The following RBMS3 variants were observed in gnomAD, a reference collection of about 807,000 sequenced individuals.
RBMS3 encodes the protein RNA binding motif single stranded interacting protein 3, also known as RNA-binding motif, single-stranded-interacting protein 3.
Under a neutral mutation model 66.8 loss-of-function variants are expected in RBMS3, and 27 were observed. The observed-to-expected ratio is 0.40, with a 90% CI of 0.30 to 0.56. The LOEUF is 0.56. Ranked by LOEUF, RBMS3 falls within the 20% of genes least tolerant of loss-of-function variation. The pLI is 0.40. For synonymous variants in RBMS3, 188 were observed against 183.0 expected (o/e 1.03, Z -0.22); for missense variants, 513 against 549.5 (o/e 0.93, Z 0.66).
intron 1 of RBMS3, among the ~76,000 whole-genome samples, chr3:29,323,578 C>A (rs1177672217): frequency 1.3e-5 from 2 of 151,788 alleles, no homozygotes; most frequent in African/African-American, 4.8e-5. Flanking sequence ...TAGAAAGAAA[C>A]AAACATCAGA....
chr3:29,920,556 A>G (rs188368528), intron 10 of RBMS3, among the ~76,000 whole-genome samples: 1 of 152,232 alleles, frequency 6.6e-6, no homozygotes. Flanking sequence ...CTGTGTCACT[A>G]GGATGGGGTG....
chr3:29,434,031 C>T (rs1026212849), intron 1 of RBMS3, among the ~76,000 whole-genome samples: 8 of 152,076 alleles, frequency 5.3e-5, no homozygotes, highest in Non-Finnish European at 1.0e-4. Context: ...GGACAGTGCC[C>T]ACAACAAATA....
intron 1 of RBMS3, among the ~76,000 whole-genome samples, chr3:29,285,253 T>TGGG (rs2032215619): frequency 1.5e-5 from 1 of 67,576 alleles, no homozygotes; most frequent in Non-Finnish European, 2.6e-5. Flanking sequence ...GTGGGGGTGG[T>TGGG]GGTGGGGAGT....
At chr3:29,534,475 G>T (rs184422856) in intron 3 of RBMS3, among the ~76,000 whole-genome samples, 1 of 152,174 alleles carries the variant, frequency 6.6e-6, no homozygotes, top group Admixed American at 6.5e-5. Flanking sequence ...CTCTGTAATA[G>T]GGAAGAAAAC....
intron 10 of RBMS3, among the ~76,000 whole-genome samples, chr3:29,901,048 T>A (rs2060241105): frequency 6.6e-6 from 1 of 151,806 alleles, no homozygotes; most frequent in Non-Finnish European, 1.5e-5. Flanking sequence ...ATATGTAGTT[T>A]ACCACAGCAG....
At chr3:29,751,700 G>A (rs903848697) in intron 5 of RBMS3, among the ~76,000 whole-genome samples, 1 of 152,168 alleles carries the variant, frequency 6.6e-6, no homozygotes, top group Non-Finnish European at 1.5e-5. Context: ...CAAATCATGT[G>A]AACTAAAAGG....
At chr3:29,748,775 T>C (rs1576688537) in intron 5 of RBMS3, among the ~76,000 whole-genome samples, 1 of 152,186 alleles carries the variant, frequency 6.6e-6, no homozygotes, top group Non-Finnish European at 1.5e-5. Context: ...GAAGAAAGCA[T>C]AGTAGATGAA....
At chr3:29,566,634 C>CA (rs11445860) in intron 3 of RBMS3, among the ~76,000 whole-genome samples, 40,859 of 119,566 alleles carry the variant, frequency 0.34, 6,486 homozygotes, top group Middle Eastern at 0.42. Flanking sequence ...AAGCAAAATG[C>CA]AAAAAAAAAA....
chr3:29,652,450 A>T (rs1362935628), intron 4 of RBMS3, among the ~76,000 whole-genome samples: 1 of 152,130 alleles, frequency 6.6e-6, no homozygotes, highest in African/African-American at 2.4e-5. Context: ...ATTATTTATA[A>T]TTTCCATGCC....
intron 4 of RBMS3, among the ~76,000 whole-genome samples, chr3:29,666,397 G>T (rs2050758990): frequency 6.6e-6 from 1 of 152,170 alleles, no homozygotes; most frequent in South Asian, 2.1e-4. Flanking sequence ...CTGGCACCTA[G>T]GGAGGACCCA....
intron 12 of RBMS3, among the ~76,000 whole-genome samples, chr3:29,980,412 G>A (rs1697906995): frequency 6.6e-6 from 1 of 152,142 alleles, no homozygotes; most frequent in South Asian, 2.1e-4. Flanking sequence ...AGTTTCTTTT[G>A]CTGTGCAGAA....
At chr3:29,546,429 C>T (rs1006605134) in intron 3 of RBMS3, among the ~76,000 whole-genome samples, 2 of 152,228 alleles carry the variant, frequency 1.3e-5, no homozygotes, top group East Asian at 3.9e-4. Context: ...AACTGTATGA[C>T]TCTAACTGAT....
chr3:29,751,290 T>C (rs2055170531), intron 5 of RBMS3, among the ~76,000 whole-genome samples: 1 of 152,198 alleles, frequency 6.6e-6, no homozygotes, highest in Non-Finnish European at 1.5e-5. Flanking sequence ...TAAAACATTA[T>C]GACCAAATCT....
chr3:29,485,656 C>T (rs2043293203), intron 2 of RBMS3, among the ~76,000 whole-genome samples: 1 of 152,134 alleles, frequency 6.6e-6, no homozygotes, highest in South Asian at 2.1e-4. Flanking sequence ...AAGTTCAAAC[C>T]CCCAAGGAAG....
intron 3 of RBMS3, among the ~76,000 whole-genome samples, chr3:29,530,137 C>T (rs2045294392): frequency 6.6e-6 from 1 of 152,196 alleles, no homozygotes; most frequent in Non-Finnish European, 1.5e-5. Context: ...CCCCAATACT[C>T]ATCTAAGCTG....
intron 12 of RBMS3, among the ~76,000 whole-genome samples, chr3:29,960,512 A>C (rs1696355358): frequency 6.6e-6 from 1 of 152,188 alleles, no homozygotes; most frequent in East Asian, 1.9e-4. Flanking sequence ...TCACAGCTCC[A>C]GTAGGCAGTG....
intron 3 of RBMS3, among the ~76,000 whole-genome samples, chr3:29,500,934 A>G (rs745657258): frequency 5.3e-5 from 8 of 152,244 alleles, no homozygotes; most frequent in Non-Finnish European, 7.4e-5. Context: ...ATAAAGATTT[A>G]CCTAAAAGTT....
chr3:29,743,241 G>T (rs1013307114), intron 5 of RBMS3, among the ~76,000 whole-genome samples: 4 of 152,070 alleles, frequency 2.6e-5, no homozygotes, highest in African/African-American at 9.7e-5. Flanking sequence ...CTTAATTCTT[G>T]CACAAATGTT....
chr3:29,572,305 C>T (rs1432555678), intron 3 of RBMS3, among the ~76,000 whole-genome samples: 1 of 152,044 alleles, frequency 6.6e-6, no homozygotes, highest in Non-Finnish European at 1.5e-5. Flanking sequence ...ATTTCCAGTA[C>T]TATGTTAAAT....
Sources: gnomAD v4.1 joint callset for allele counts (sites outside exome capture counted in the v4.1 genomes callset) on GRCh38, gnomAD v4.1.1 for gene constraint, MANE v1.5 for transcripts, NCBI Gene and HGNC (gene_info 2026-07-23, HGNC 2026-07-21) for gene names.